PTPRD: variants seen among roughly 807,000 people sequenced by gnomAD.
PTPRD encodes receptor-type tyrosine-protein phosphatase delta.
A neutral mutation model predicts 214.5 loss-of-function variants in PTPRD; 34 were observed. The observed-to-expected ratio is 0.16, with a 90% CI of 0.12 to 0.21. The LOEUF is 0.21. Ranked by LOEUF, PTPRD falls within the 10% of genes least tolerant of loss-of-function variation. The pLI, the probability that PTPRD is intolerant of heterozygous loss-of-function variation, is 1.00. For synonymous variants in PTPRD, 1,128 were observed against 845.7 expected, an observed-to-expected ratio of 1.33 and a Z score of -5.79; for missense variants, 2,545 against 2,398.7, an observed-to-expected ratio of 1.06 and a Z score of -1.27.
chr9:9,139,908 G>T (rs1427212424), intron 10 of PTPRD, among the ~76,000 whole-genome samples: 1 of 151,930 alleles, frequency 6.6e-6, no homozygotes, highest in Non-Finnish European at 1.5e-5. Context: ...AATATAAAAA[G>T]GATAAATTTG....
At chr9:9,338,297 T>C (rs984244580) in intron 9 of PTPRD, among the ~76,000 whole-genome samples, 1 of 152,138 alleles carries the variant, frequency 6.6e-6, no homozygotes, top group Admixed American at 6.6e-5. Context: ...ATTCCATTCT[T>C]AAGAATATGT....
chr9:9,309,630 C>T (rs1387541415), intron 9 of PTPRD, among the ~76,000 whole-genome samples: 1 of 152,074 alleles, frequency 6.6e-6, no homozygotes, highest in Non-Finnish European at 1.5e-5. Context: ...GAATACTAAC[C>T]CACCATACAC....
chr9:8,373,824 GTA>G lies in PTPRD; in HGVS notation c.4661+2110_4661+2111del, dbSNP rs1300039439. 8.8e-4 allele frequency among the ~76,000 whole-genome samples: 89 copies of G among 101,196 alleles called. 1 individual carries two copies. Among genetic ancestry groups the G allele is most frequent in the African/African-American group, 5.1e-3 (77 of 15,136 alleles). 66.4% of individuals were successfully genotyped at this position (101,196 alleles called of 152,430 possible). ...AAAAATTATGTATGTATGTATGTAT[GTA>G]TGTATGTATGTATGTATGTATGTGT... On this transcript the variant is annotated intron_variant, in intron 39 of 45. Transcript: ENST00000381196.
chr9:8,634,095 C>T (rs545887022), intron 13 of PTPRD, among the ~76,000 whole-genome samples: 1 of 152,030 alleles, frequency 6.6e-6, no homozygotes, highest in South Asian at 2.1e-4. Context: ...AGCATTCTTG[C>T]TGTAAAATGG....
In PTPRD at chr9:9,414,411, G is replaced by A. The variant is rs570477396; in HGVS notation, c.-236-16929C>T. 3.3e-5 allele frequency among the ~76,000 whole-genome samples: 5 copies of A among 152,308 alleles called. No homozygotes were observed. The East Asian group carries it at 7.7e-4, about 24-fold the overall frequency. The stretch of plus-strand genomic sequence containing the variant: ...TCAAAAAATAGGTACTGAGTAGAAT[G>A]AGTAGCAATATCCTTAAAATTATTG... On this transcript the variant is annotated intron_variant, in intron 8 of 45. Coordinates refer to ENST00000381196, the MANE Select transcript of PTPRD (RefSeq NM_002839.4).
At chr9:9,704,505 C>T (rs1345551287) in intron 7 of PTPRD, among the ~76,000 whole-genome samples, 2 of 152,114 alleles carry the variant, frequency 1.3e-5, no homozygotes, top group East Asian at 3.9e-4. Flanking sequence ...TGATAACTCC[C>T]CAATTCAAAG....
At chr9:9,777,687 C>A (rs2821494) in intron 5 of PTPRD, among the ~76,000 whole-genome samples, 67,392 of 151,650 alleles carry the variant, frequency 0.44, 15,435 homozygotes, top group East Asian at 0.7. Flanking sequence ...ACAGAGTGAG[C>A]CTCTATCTCA....
intron 3 of PTPRD, among the ~76,000 whole-genome samples, chr9:10,095,871 A>C (rs1408523478): frequency 6.6e-6 from 1 of 151,586 alleles, no homozygotes; most frequent in Non-Finnish European, 1.5e-5. Flanking sequence ...AATATATTAA[A>C]GCACAAGGGT....
In PTPRD at chr9:8,436,651, C is replaced by T; in HGVS notation, c.4027G>A (p.Ala1343Thr). The T allele has an allele frequency of 1.2e-6, 2 of 1,613,394 alleles. No individual in the cohort carries two copies. Among genetic ancestry groups the T allele is most frequent in the Non-Finnish European group, 1.7e-6 (2 of 1,179,718 alleles). The stretch of plus-strand genomic sequence containing the variant: ...GCTTTCAATCTTTCAATGTGGTCTG[C>T]AAGTTCCAAGATGGGTATTGGAGGA... Reference protein sequence around the residue: ...SHPPIPILELADHIERLKAND... With the variant: ...SHPPIPILELTDHIERLKAND... Residue 1343 changes from alanine (A) to threonine (T), a missense_variant, in exon 35 of 46, where the codon GCA becomes ACA. Coordinates refer to ENST00000381196, the MANE Select transcript of PTPRD (RefSeq NM_002839.4).
intron 11 of PTPRD, among the ~76,000 whole-genome samples, chr9:8,820,605 C>A (rs920029958): frequency 6.6e-6 from 1 of 152,106 alleles, no homozygotes; most frequent in African/African-American, 2.4e-5. Flanking sequence ...AAGTTCAACT[C>A]TTGTTAAACC....
At chr9:9,015,446 A>G (rs2099530696) in intron 11 of PTPRD, among the ~76,000 whole-genome samples, 1 of 152,208 alleles carries the variant, frequency 6.6e-6, no homozygotes, top group Non-Finnish European at 1.5e-5. Flanking sequence ...AATGCCAGGA[A>G]GTTACCCTAC....
chr9:8,871,108 C>T (rs185864344), intron 11 of PTPRD, among the ~76,000 whole-genome samples: 4 of 152,216 alleles, frequency 2.6e-5, no homozygotes, highest in East Asian at 1.9e-4. Flanking sequence ...TGGCAATGCC[C>T]GCTCCCTTGC....
intron 14 of PTPRD, among the ~76,000 whole-genome samples, chr9:8,569,564 C>T (rs1170865882): frequency 1.3e-5 from 2 of 152,078 alleles, no homozygotes; most frequent in Non-Finnish European, 2.9e-5. Flanking sequence ...GTCTACAGTC[C>T]CCTCCATCTG....
chr9:8,517,572 G>A lies in PTPRD; in HGVS notation c.1543+276C>T, dbSNP rs2097803320. Among the ~76,000 whole-genome samples the A allele has an allele frequency of 2.0e-5, 3 of 152,104 alleles. No individual in the cohort carries two copies. In the South Asian group the frequency reaches 6.2e-4, roughly 32 times the overall value. ...TTTTCTATTCTCAAAACTGGGCATG[G>A]GGGAGACATTGTTCTATCTCACATA... On this transcript the variant is annotated intron_variant, in intron 21 of 45. Coordinates refer to ENST00000381196, the MANE Select transcript of PTPRD (RefSeq NM_002839.4).
intron 12 of PTPRD, among the ~76,000 whole-genome samples, chr9:8,646,797 A>G (rs1174271019): frequency 1.3e-5 from 2 of 152,164 alleles, no homozygotes; most frequent in African/African-American, 2.4e-5. Flanking sequence ...CTGGTCATCT[A>G]TGAAGTCTTA....
chr9:9,135,810 G>T (rs925757191), intron 10 of PTPRD, among the ~76,000 whole-genome samples: 1 of 150,204 alleles, frequency 6.7e-6, no homozygotes, highest in Admixed American at 6.6e-5. Context: ...AGCTACATTT[G>T]GTCACAACTA....
intron 10 of PTPRD, among the ~76,000 whole-genome samples, chr9:9,025,201 G>C (rs1479286129): frequency 6.6e-6 from 1 of 151,932 alleles, no homozygotes; most frequent in Non-Finnish European, 1.5e-5. Flanking sequence ...CCCTGAAAGA[G>C]CAAGATGGTG....
intron 9 of PTPRD, among the ~76,000 whole-genome samples, chr9:9,375,882 G>A (rs896175515): frequency 1.3e-5 from 2 of 152,106 alleles, no homozygotes; most frequent in African/African-American, 2.4e-5. Context: ...GTTGCACAGT[G>A]TTAAAATACT....
At chr9:9,307,159 C>G (rs1957392741) in intron 9 of PTPRD, among the ~76,000 whole-genome samples, 2 of 152,072 alleles carry the variant, frequency 1.3e-5, no homozygotes, top group African/African-American at 4.8e-5. Context: ...ACTCGGGAAA[C>G]CAGCTATGAT....
Sources: allele counts gnomAD v4.1 joint callset (sites outside exome capture counted in the v4.1 genomes callset), GRCh38; gene constraint gnomAD v4.1.1; transcripts MANE v1.5; gene names NCBI Gene and HGNC (gene_info 2026-07-23, HGNC 2026-07-21).